The following RARB variants were observed in gnomAD, a reference collection of about 807,000 sequenced individuals.
RARB encodes HBV-activated protein.
A neutral mutation model predicts 51.9 loss-of-function variants in RARB; 17 were observed. The ratio of observed to expected loss-of-function variants is 0.33; its 90% CI spans 0.22 to 0.49. The LOEUF (loss-of-function observed/expected upper bound fraction) is 0.49. Ranked by LOEUF, RARB falls within the 20% of genes least tolerant of loss-of-function variation. The pLI is 0.99. For missense variants in RARB, 369 were observed against 550.8 expected, an observed-to-expected ratio of 0.67 and a Z score of 3.30; for synonymous variants, 215 against 195.4, an observed-to-expected ratio of 1.10 and a Z score of -0.84.
chr3:25,392,419 G>A (rs1706991422), intron 5 of RARB, among the ~76,000 whole-genome samples: 1 of 151,806 alleles, frequency 6.6e-6, no homozygotes, highest in Admixed American at 6.6e-5. Flanking sequence ...TATTTTAGTT[G>A]TGTGAAGAAT....
chr3:25,167,009 C>G (rs1022477670), intron 4 of RARB, among the ~76,000 whole-genome samples: 6 of 152,166 alleles, frequency 3.9e-5, no homozygotes, highest in Non-Finnish European at 5.9e-5. Context: ...TTTTATTGTT[C>G]AATTTCAGAT....
chr3:25,287,233 C>T (rs1703678395), intron 5 of RARB, among the ~76,000 whole-genome samples: 1 of 152,206 alleles, frequency 6.6e-6, no homozygotes, highest in Non-Finnish European at 1.5e-5. Flanking sequence ...CCCTTTCCAG[C>T]AGACACTACT....
Position 24,989,777 on chromosome 3 carries a change from T to C in RARB, c.-379-70348T>C, listed in dbSNP as rs1319707032. Among the ~76,000 whole-genome samples the C allele has an allele frequency of 5.0e-4, 6 of 12,076 alleles. 2 individuals carry two copies. The highest frequency in any genetic ancestry group is 5.5e-4 in the Non-Finnish European group (4 of 7,272). The allele number at this position is 12,076 out of a possible 152,430, so 7.9% of individuals were successfully genotyped here. A position where few individuals can be genotyped will look rare whatever the true frequency, so the allele number is the denominator to read the frequency against. ...TTAACTGTTGTCATATGTTTTTCTT[T>C]TTTTTTTTTTTTTTTTTTTTTTTTT... On this transcript the variant is annotated intron_variant, in intron 2 of 11. Transcript: ENST00000383772.
At chr3:25,385,174 C>T (rs575520568) in intron 5 of RARB, among the ~76,000 whole-genome samples, 48 of 152,118 alleles carry the variant, frequency 3.2e-4, no homozygotes, top group Non-Finnish European at 6.3e-4. Context: ...TAAGATGTGC[C>T]CTCTCTCTGT....
At chr3:24,890,560 G>A (rs1442540112) in intron 2 of RARB, among the ~76,000 whole-genome samples, 1 of 152,086 alleles carries the variant, frequency 6.6e-6, no homozygotes, top group Non-Finnish European at 1.5e-5. Flanking sequence ...ATCAGCCTGG[G>A]GAGGGTAGAA....
intron 4 of RARB, among the ~76,000 whole-genome samples, chr3:25,579,290 A>G (rs1245073952): frequency 6.6e-6 from 1 of 152,242 alleles, no homozygotes; most frequent in African/African-American, 2.4e-5. Context: ...AAAAGTATAC[A>G]GTCACATAAC....
chr3:24,970,904 G>A (rs11707378), intron 2 of RARB, among the ~76,000 whole-genome samples: 30,496 of 151,816 alleles, frequency 0.2, 3,614 homozygotes, highest in East Asian at 0.3. Context: ...TCTACTTGAT[G>A]CTTATACTAT....
chr3:25,506,079 G>A (rs1697573160), intron 3 of RARB, among the ~76,000 whole-genome samples: 1 of 151,886 alleles, frequency 6.6e-6, no homozygotes, highest in Admixed American at 6.6e-5. Context: ...CCAAAGGTCA[G>A]CAAACCATTT....
intron 2 of RARB, among the ~76,000 whole-genome samples, chr3:25,009,227 C>T (rs562498108): frequency 4.6e-5 from 7 of 152,032 alleles, no homozygotes; most frequent in Non-Finnish European, 1.0e-4. Context: ...AGAGAGAGGC[C>T]ATGGGTGTGA....
At chr3:25,158,706 T>C (rs149470982) in intron 4 of RARB, among the ~76,000 whole-genome samples, 1 of 152,196 alleles carries the variant, frequency 6.6e-6, no homozygotes, top group East Asian at 1.9e-4. Flanking sequence ...AGTTATAACA[T>C]AGATCTGCAC....
chr3:25,557,882 G>T (rs1013836327), intron 3 of RARB, among the ~76,000 whole-genome samples: 1 of 152,136 alleles, frequency 6.6e-6, no homozygotes, highest in Admixed American at 6.5e-5. Flanking sequence ...CTCCAAAGCT[G>T]CCCTGTTGCT....
chr3:25,392,529 A>C (rs1706994460), intron 5 of RARB, among the ~76,000 whole-genome samples: 1 of 151,954 alleles, frequency 6.6e-6, no homozygotes, highest in Admixed American at 6.6e-5. Flanking sequence ...TGAGCCTGGG[A>C]TGTGTTTCCA....
intron 5 of RARB, among the ~76,000 whole-genome samples, chr3:25,417,404 A>G (rs1235567478): frequency 6.6e-6 from 1 of 152,126 alleles, no homozygotes; most frequent in Non-Finnish European, 1.5e-5. Flanking sequence ...TTGAATTCCC[A>G]CACATGGCGG....
chr3:25,055,618 G>A lies in RARB; in HGVS notation c.-379-4507G>A, dbSNP rs527767983. 3.9e-5 allele frequency among the ~76,000 whole-genome samples: 6 copies of A among 152,206 alleles called. No individual in the cohort carries two copies. In the East Asian group the frequency reaches 1.2e-3, roughly 29 times the overall value. On this transcript the variant is annotated intron_variant, in intron 2 of 11. Transcript: ENST00000383772. The stretch of plus-strand genomic sequence containing the variant: ...TTCTCCAGAAAATAGATCTTGTGAT[G>A]AAGATTGGGGGAAAAGTTATTAGGA...
intron 1 of RARB, 36 bp downstream of exon 1, chr3:25,428,924 A>C: frequency 4.5e-6 from 7 of 1,570,600 alleles, no homozygotes; most frequent in Non-Finnish European, 5.2e-6. Context: ...TACCAAGAAA[A>C]AAAAAATTGT....
chr3:25,203,584 C>T (rs954250355), intron 5 of RARB, among the ~76,000 whole-genome samples: 1 of 152,102 alleles, frequency 6.6e-6, no homozygotes, highest in African/African-American at 2.4e-5. Context: ...TGTTCCTTTC[C>T]ATGTTTAGTG....
chr3:24,913,094 C>T (rs887132027), intron 2 of RARB, among the ~76,000 whole-genome samples: 2 of 149,928 alleles, frequency 1.3e-5, no homozygotes, highest in African/African-American at 2.5e-5. Context: ...CATTCTCCTG[C>T]CTCAGCCTCC....
At chr3:25,576,320 G>A (rs370043341) in intron 4 of RARB, among the ~76,000 whole-genome samples, 19 of 152,318 alleles carry the variant, frequency 1.2e-4, no homozygotes, top group African/African-American at 4.6e-4. Context: ...GGCTTCGGCA[G>A]GGACACAGGG....
chr3:25,047,908 G>C (rs116628394), intron 2 of RARB, among the ~76,000 whole-genome samples: 1,631 of 152,298 alleles, frequency 0.011, 29 homozygotes, highest in African/African-American at 0.038. Flanking sequence ...GCAGGACAAA[G>C]TAGAGATAAT....
Sources: allele counts gnomAD v4.1 joint callset (sites outside exome capture counted in the v4.1 genomes callset), GRCh38; gene constraint gnomAD v4.1.1; transcripts MANE v1.5; gene names NCBI Gene and HGNC (gene_info 2026-07-23, HGNC 2026-07-21).